REST: variants seen among roughly 807,000 people sequenced by gnomAD.
The protein encoded by REST is RE1-silencing transcription factor.
A neutral mutation model predicts 30.4 loss-of-function variants in REST; 1 was observed. The ratio of observed to expected loss-of-function variants is 0.03; its 90% confidence interval spans 0.01 to 0.16. REST has a LOEUF of 0.16. Ranked by LOEUF, REST falls within the 10% of genes least tolerant of loss-of-function variation. The pLI is 1.00. For synonymous variants in REST, 504 were observed against 451.1 expected (o/e 1.12, Z -1.49); for missense variants, 1,259 against 1,329.5 (o/e 0.95, Z 0.82).
chr4:56,921,126 AGTACTGGG>A (rs1720429228), intron 3 of REST, among the ~76,000 whole-genome samples: 1 of 152,072 alleles, frequency 6.6e-6, no homozygotes, highest in Non-Finnish European at 1.5e-5. Context: ...GGCCTCCCAA[AGTACTGGG>A]ATTACAGTCA....
rs1293688056 is a variant in REST at position 56,930,244 on chromosome 4, T to C, written c.1386T>C (p.Asn462=). ...AAGGGGATGTGGCTGGAAAGAAAAA[T>C]GAAAAGTCCGTCAAAGCAGAGAAAA... ...KIKGDVAGKK[N]EKSVKAEKRD... The change falls in exon 4 of 4, where the codon AAT becomes AAC. Residue 462 remains asparagine, a synonymous_variant. Transcript: ENST00000309042. The C allele has an allele frequency of 6.2e-7, 1 of 1,606,198 alleles. No individual in the cohort carries two copies. The highest frequency in any genetic ancestry group is 1.1e-5 in the South Asian group (1 of 88,726).
rs1268090254 is a variant in REST, at chr4:56,935,226, T to C, written c.*3074T>C. 6.6e-6 allele frequency: 1 copy of C among 152,222 alleles called. No individual in the cohort carries two copies. Among genetic ancestry groups the C allele is most frequent in the African/African-American group, 2.4e-5 (1 of 41,458 alleles). The allele number at this position is 152,222 out of a possible 1,614,324, so 9.4% of individuals were successfully genotyped here. On this transcript the variant is annotated 3_prime_UTR_variant, in exon 4 of 4. Transcript: ENST00000309042. ...TTGACAATGGAAGGAATACCTTGCCTGTAGTATACTGTCACTTCTGGATTG... is the reference window on the plus strand; with the variant it reads ...TTGACAATGGAAGGAATACCTTGCCCGTAGTATACTGTCACTTCTGGATTG...
chr4:56,933,934 A>G lies in REST; in HGVS notation c.*1782A>G, dbSNP rs1721059938. The G allele has an allele frequency of 6.6e-6, 1 of 152,244 alleles. No homozygotes were observed. The highest frequency in any genetic ancestry group is 1.5e-5 in the Non-Finnish European group (1 of 68,048). The allele number at this position is 152,244 out of a possible 1,614,324, so 9.4% of individuals were successfully genotyped here. On this transcript the variant is annotated 3_prime_UTR_variant, in exon 4 of 4. Coordinates refer to ENST00000309042, the MANE Select transcript of REST (RefSeq NM_005612.5). The stretch of plus-strand genomic sequence containing the variant: ...ACATGAAAGATTAGGAAAAGCATTA[A>G]TAACGTGTGGGTGGAAAGCTTGTTA...
chr4:56,931,442 C>T lies in REST; in HGVS notation c.2584C>T (p.Pro862Ser). 1 of 1,614,196 alleles carries T rather than the reference C, an allele frequency of 6.2e-7. No homozygotes were observed. Among genetic ancestry groups the T allele is most frequent in the African/African-American group, 1.3e-5 (1 of 75,042 alleles). Reference protein sequence around the residue: ...KESVSTEDLSPPSPPLPKENL... With the variant: ...KESVSTEDLSSPSPPLPKENL... ...AAGTGTAAGCACAGAGGATCTCTCA[C>T]CACCATCACCACCACTGCCAAAGGA... The change falls in exon 4 of 4, where the codon CCA becomes TCA. Residue 862 changes from proline (P) to serine (S), a missense_variant. Physicochemically the swap from Pro to Ser is moderately conservative, Grantham distance 74 (BLOSUM62 -1). This residue lies in a region of REST where 856 missense variants were observed against 772.8 expected (regional missense o/e 1.11). Transcript: ENST00000309042.
chr4:56,911,605 T>C, intron 2 of REST, 69 bp downstream of exon 2: 1 of 1,311,762 alleles, frequency 7.6e-7, no homozygotes, highest in Non-Finnish European at 1.1e-6. Flanking sequence ...GTTAGTTAAG[T>C]AGTGCTTGAG....
chr4:56,923,335 A>G (rs55912219), intron 3 of REST, among the ~76,000 whole-genome samples: 4,388 of 152,288 alleles, frequency 0.029, 230 homozygotes, highest in African/African-American at 0.1. Flanking sequence ...TGATGCGATC[A>G]TGCCTCACTG....
intron 3 of REST, among the ~76,000 whole-genome samples, chr4:56,925,216 T>C (rs1396570859): frequency 1.3e-5 from 2 of 152,074 alleles, no homozygotes. Flanking sequence ...GTTTTTGTTT[T>C]GTTTTGTTTT....
intron 1 of REST, chr4:56,908,784 C>A (rs996882332): frequency 6.6e-6 from 1 of 151,888 alleles, no homozygotes; most frequent in African/African-American, 2.4e-5. Context: ...CGCTGGCCCC[C>A]GCGTCCGGCC....
intron 2 of REST, among the ~76,000 whole-genome samples, chr4:56,915,638 G>T (rs1369719517): frequency 6.6e-6 from 1 of 152,128 alleles, no homozygotes; most frequent in Non-Finnish European, 1.5e-5. Flanking sequence ...GGTATTAAAT[G>T]GATAGTTCTG....
chr4:56,925,207 T>TTTTTG (rs1305065350), intron 3 of REST, among the ~76,000 whole-genome samples: 1 of 151,288 alleles, frequency 6.6e-6, no homozygotes, highest in Non-Finnish European at 1.5e-5. Flanking sequence ...TCTCTCTTGG[T>TTTTTG]TTTTGTTTTG....
chr4:56,924,280 T>C (rs1720580758), intron 3 of REST, among the ~76,000 whole-genome samples: 1 of 152,218 alleles, frequency 6.6e-6, no homozygotes. Context: ...AAAAACTATT[T>C]TATTGAGATA....
At chr4:56,921,554 C>T (rs910551044) in intron 3 of REST, among the ~76,000 whole-genome samples, 11 of 152,032 alleles carry the variant, frequency 7.2e-5, no homozygotes, top group African/African-American at 2.7e-4. Flanking sequence ...GGATTACAGG[C>T]ATGTGCCACC....
intron 1 of REST, among the ~76,000 whole-genome samples, chr4:56,908,557 C>G (rs987908330): frequency 8.5e-5 from 13 of 152,100 alleles, no homozygotes; most frequent in African/African-American, 2.4e-4. Context: ...TGCTCGGGCC[C>G]GTAGTCCTGA....
intron 3 of REST, among the ~76,000 whole-genome samples, chr4:56,924,055 G>C (rs1434948650): frequency 2.0e-5 from 3 of 151,990 alleles, no homozygotes; most frequent in African/African-American, 7.2e-5. Flanking sequence ...ACTGGGTCTT[G>C]CTGTGTTGCC....
At chr4:56,915,195 C>A (rs938313627) in intron 2 of REST, among the ~76,000 whole-genome samples, 11 of 146,358 alleles carry the variant, frequency 7.5e-5, no homozygotes, top group African/African-American at 2.5e-4. Flanking sequence ...AGATTACAGG[C>A]GTGAGCCACC....
chr4:56,915,241 T>TG (rs71208951), intron 2 of REST, among the ~76,000 whole-genome samples: 4 of 55,094 alleles, frequency 7.3e-5, no homozygotes, highest in South Asian at 5.7e-4. Context: ...TGTGTGTGTA[T>TG]TTTTTTTTTT....
intron 3 of REST, among the ~76,000 whole-genome samples, chr4:56,923,476 C>G (rs1354972754): frequency 1.3e-5 from 2 of 152,138 alleles, no homozygotes; most frequent in Non-Finnish European, 2.9e-5. Context: ...GACAGTTTCG[C>G]TCTTGTCACC....
chr4:56,919,065 G>A (rs1177577672), intron 2 of REST, among the ~76,000 whole-genome samples: 4 of 151,306 alleles, frequency 2.6e-5, no homozygotes, highest in Non-Finnish European at 1.5e-5. Flanking sequence ...CACCATGCCC[G>A]GCTAATTTTT....
intron 2 of REST, among the ~76,000 whole-genome samples, chr4:56,915,546 C>A (rs544940175): frequency 1.8e-4 from 27 of 152,126 alleles, no homozygotes; most frequent in African/African-American, 6.5e-4. Flanking sequence ...CCAAACCTGG[C>A]CTTTATTACA....
Sources: allele counts gnomAD v4.1 joint callset (sites outside exome capture counted in the v4.1 genomes callset), GRCh38; gene constraint gnomAD v4.1.1; regional missense constraint gnomAD v4.1.1; transcripts MANE v1.5; gene names NCBI Gene and HGNC (gene_info 2026-07-23, HGNC 2026-07-21).